RSPO3: variants seen among roughly 807,000 people sequenced by gnomAD.
RSPO3 encodes R-spondin 3.
Under a neutral mutation model 36.5 loss-of-function variants are expected in RSPO3, and 17 were observed. That is an observed-to-expected ratio of 0.47 (90% confidence interval 0.32 to 0.70). The LOEUF (loss-of-function observed/expected upper bound fraction) is 0.70. Ranked by LOEUF, RSPO3 falls within the 30% of genes least tolerant of loss-of-function variation. The pLI, the probability that RSPO3 is intolerant of heterozygous loss-of-function variation, is 0.04. For synonymous variants in RSPO3, 108 were observed against 107.0 expected (o/e 1.01, Z -0.06); for missense variants, 294 against 322.5 (o/e 0.91, Z 0.68).
intron 1 of RSPO3, among the ~76,000 whole-genome samples, chr6:127,124,824 A>T (rs1015174850): frequency 6.6e-6 from 1 of 152,046 alleles, no homozygotes; most frequent in Non-Finnish European, 1.5e-5. Flanking sequence ...ATTCTGATTA[A>T]AGTAGTCATC....
rs527433307 is a variant in RSPO3 at position 127,134,214 on chromosome 6, T to C, written c.98-14434T>C. The stretch of plus-strand genomic sequence containing the variant: ...TGTCTTAAAATTTATGAGCAATGAA[T>C]AGGACTCATTACTTAGCATGCCGTT... On this transcript the variant is annotated intron_variant, in intron 1 of 4. Coordinates refer to ENST00000356698, the MANE Select transcript of RSPO3 (RefSeq NM_032784.5). Among the ~76,000 whole-genome samples the C allele has an allele frequency of 2.0e-5, 3 of 152,294 alleles. No homozygotes were observed. In the East Asian group the frequency reaches 5.8e-4, roughly 29 times the overall value.
intron 4 of RSPO3, among the ~76,000 whole-genome samples, chr6:127,170,510 A>G (rs1774914765): frequency 6.6e-6 from 1 of 151,554 alleles, no homozygotes; most frequent in Non-Finnish European, 1.5e-5. Flanking sequence ...ATAATCCAGC[A>G]ATTTCATTTG....
At chr6:127,178,967 C>T (rs763690236) in intron 4 of RSPO3, among the ~76,000 whole-genome samples, 1 of 151,826 alleles carries the variant, frequency 6.6e-6, no homozygotes, top group Non-Finnish European at 1.5e-5. Flanking sequence ...GTTCTGTAAC[C>T]ACAGTGATGT....
intron 4 of RSPO3, among the ~76,000 whole-genome samples, chr6:127,187,599 A>G (rs540858535): frequency 5.9e-5 from 9 of 152,308 alleles, no homozygotes. Flanking sequence ...TTATGCAAAC[A>G]TGCTTAGATC....
chr6:127,137,081 A>C lies in RSPO3; in HGVS notation c.98-11567A>C, dbSNP rs193224963. Among the ~76,000 whole-genome samples the C allele has an allele frequency of 3.9e-3, 601 of 152,248 alleles. 5 individuals are homozygous for C. The highest frequency in any genetic ancestry group is 0.014 in the African/African-American group (580 of 41,526). ...AGAGAAATGGTTGAGTTTTGATATA[A>C]TGGGATGTTTATTAATAAATGTCAT... On this transcript the variant is annotated intron_variant, in intron 1 of 4. Coordinates refer to ENST00000356698, the MANE Select transcript of RSPO3 (RefSeq NM_032784.5).
chr6:127,131,502 A>G (rs898760288), intron 1 of RSPO3, among the ~76,000 whole-genome samples: 6 of 152,116 alleles, frequency 3.9e-5, no homozygotes, highest in African/African-American at 1.2e-4. Flanking sequence ...ATCAGATAAG[A>G]ACACATTCAA....
In RSPO3 at chr6:127,198,622, C is replaced by T. The variant is rs1463630665; in HGVS notation, c.*2615C>T. ...AATCTGTTAATGTCTGATCAAGCTC[C>T]TGCCCTGTTCTCCGAATTCAGCTTC... On this transcript the variant is annotated 3_prime_UTR_variant, in exon 5 of 5. Transcript: ENST00000356698. Among the ~76,000 whole-genome samples, 1 of 152,182 alleles carries T rather than the reference C, an allele frequency of 6.6e-6. No individual in the cohort carries two copies. Among genetic ancestry groups the T allele is most frequent in the Admixed American group, 6.5e-5 (1 of 15,276 alleles).
At chr6:127,183,885 C>G (rs1221699243) in intron 4 of RSPO3, among the ~76,000 whole-genome samples, 17 of 151,854 alleles carry the variant, frequency 1.1e-4, no homozygotes, top group Admixed American at 1.1e-3. Flanking sequence ...ATAAAGGAAA[C>G]AGGTTTAATT....
At chr6:127,171,181 G>A (rs946539937) in intron 4 of RSPO3, among the ~76,000 whole-genome samples, 1 of 151,720 alleles carries the variant, frequency 6.6e-6, no homozygotes, top group African/African-American at 2.4e-5. Context: ...ATATTTTTCA[G>A]TTATAATCAT....
chr6:127,148,851 C>T lies in RSPO3; in HGVS notation c.289+12C>T. On this transcript the variant is annotated intron_variant, in intron 2 of 4. Coordinates refer to ENST00000356698, the MANE Select transcript of RSPO3 (RefSeq NM_032784.5). ...AAATAAGTGTACAAGTAAGTGCCCA[C>T]ACGAAATTGTATTTTTATCTCATCT... is the stretch of plus-strand genomic sequence containing the variant. 2.5e-6 allele frequency: 4 copies of T among 1,591,660 alleles called. No individual in the cohort carries two copies. The highest frequency in any genetic ancestry group is 3.4e-6 in the Non-Finnish European group (4 of 1,165,756).
chr6:127,123,078 G>T (rs552940467), intron 1 of RSPO3, among the ~76,000 whole-genome samples: 1 of 152,072 alleles, frequency 6.6e-6, no homozygotes, highest in East Asian at 1.9e-4. Flanking sequence ...AGAATAAAAA[G>T]GAAATAATTT....
Position 127,195,996 on chromosome 6 carries a change from A to ACTGTACACT in RSPO3, c.809_817dup (p.His272_Ter273insSerValHis). On this transcript the variant is annotated inframe_insertion, in exon 5 of 5. Coordinates refer to ENST00000356698, the MANE Select transcript of RSPO3 (RefSeq NM_032784.5). ...TAAACAGAAATCGGTATCAGTCAGCACTGTACACTAGAGGGTTCCATGAGA... is the reference window on the plus strand; with the variant it reads ...TAAACAGAAATCGGTATCAGTCAGCACTGTACACTCTGTACACTAGAGGGTTCCATGAGA... The ACTGTACACT allele has an allele frequency of 6.2e-7, 1 of 1,610,308 alleles. No individual in the cohort carries two copies. The highest frequency in any genetic ancestry group is 8.5e-7 in the Non-Finnish European group (1 of 1,177,824).
At chr6:127,155,577 T>C (rs1426263098) in intron 4 of RSPO3, 139 bp downstream of exon 4, 8 of 798,726 alleles carry the variant, frequency 1.0e-5, no homozygotes, top group Non-Finnish European at 1.6e-5. Context: ...ATATGCTGCT[T>C]GTAAATTACA....
At chr6:127,186,373 T>G (rs1156508456) in intron 4 of RSPO3, among the ~76,000 whole-genome samples, 1 of 152,144 alleles carries the variant, frequency 6.6e-6, no homozygotes, top group African/African-American at 2.4e-5. Context: ...ACTTTCACTA[T>G]GCTCAGTCAT....
intron 1 of RSPO3, among the ~76,000 whole-genome samples, chr6:127,128,945 G>A (rs1489414341): frequency 6.6e-6 from 1 of 151,910 alleles, no homozygotes; most frequent in Non-Finnish European, 1.5e-5. Context: ...TTAGAAGATG[G>A]GTATCAGCCA....
chr6:127,135,155 C>T (rs1562241438), intron 1 of RSPO3, among the ~76,000 whole-genome samples: 2 of 152,182 alleles, frequency 1.3e-5, no homozygotes, highest in Admixed American at 6.5e-5. Flanking sequence ...GGTGCGGTGG[C>T]TCACGCCTGT....
intron 1 of RSPO3, among the ~76,000 whole-genome samples, chr6:127,137,300 C>T (rs771307104): frequency 4.9e-4 from 74 of 151,824 alleles, no homozygotes; most frequent in Non-Finnish European, 2.5e-4. Flanking sequence ...CTGAGGCAGG[C>T]GAATCTCTTG....
intron 4 of RSPO3, among the ~76,000 whole-genome samples, chr6:127,168,419 T>TC (rs140888844): frequency 0.56 from 83,401 of 149,778 alleles, 22,988 homozygotes; most frequent in African/African-American, 0.61. Context: ...AAGTGTCTGT[T>TC]ATATCTTTTG....
At chr6:127,153,123 T>C (rs886974856) in intron 3 of RSPO3, among the ~76,000 whole-genome samples, 2 of 152,140 alleles carry the variant, frequency 1.3e-5, no homozygotes, top group Non-Finnish European at 2.9e-5. Flanking sequence ...GCTCATTACC[T>C]TTATGAGACA....
Sources: allele counts gnomAD v4.1 joint callset (sites outside exome capture counted in the v4.1 genomes callset), GRCh38; gene constraint gnomAD v4.1.1; transcripts MANE v1.5; gene names NCBI Gene and HGNC (gene_info 2026-07-23, HGNC 2026-07-21).